The following FHOD3 variants were observed in gnomAD, a reference collection of about 807,000 sequenced individuals.
FHOD3 encodes FH1/FH2 domain-containing protein 3.
A neutral mutation model predicts 173.0 loss-of-function variants in FHOD3; 90 were observed. The observed-to-expected ratio is 0.52, with a 90% CI of 0.44 to 0.62. FHOD3 has a LOEUF of 0.62. Among genes scored for constraint, FHOD3 ranks in the 20% least tolerant of loss-of-function variants. The pLI, the probability that FHOD3 is intolerant of heterozygous loss-of-function variation, is 0.00. For synonymous variants in FHOD3, 828 were observed against 823.0 expected (o/e 1.01, Z -0.10); for missense variants, 1,945 against 2,034.7 (o/e 0.96, Z 0.85).
chr18:36,476,810 T>G (rs1362850722), intron 3 of FHOD3, among the ~76,000 whole-genome samples: 2 of 152,180 alleles, frequency 1.3e-5, no homozygotes, highest in African/African-American at 4.8e-5. Flanking sequence ...CAATTCAGTG[T>G]GGGGGCATGA....
chr18:36,310,066 G>T (rs2092215938), intron 1 of FHOD3, among the ~76,000 whole-genome samples: 1 of 152,204 alleles, frequency 6.6e-6, no homozygotes. Context: ...GTCTCCATCT[G>T]TCAGAGATAA....
intron 5 of FHOD3, among the ~76,000 whole-genome samples, chr18:36,573,776 A>G (rs1453500102): frequency 1.3e-5 from 2 of 152,230 alleles, no homozygotes; most frequent in South Asian, 2.1e-4. Flanking sequence ...TTCTAGGACC[A>G]TGACAGGTAT....
intron 3 of FHOD3, among the ~76,000 whole-genome samples, chr18:36,472,016 A>C (rs2053313916): frequency 1.3e-5 from 2 of 152,240 alleles, no homozygotes; most frequent in South Asian, 4.1e-4. Flanking sequence ...CTGAGAGGAT[A>C]AAATCCTCAA....
chr18:36,421,613 A>G (rs1184892853), intron 3 of FHOD3, among the ~76,000 whole-genome samples: 2 of 152,234 alleles, frequency 1.3e-5, no homozygotes, highest in Non-Finnish European at 2.9e-5. Flanking sequence ...ACTGTTGAAA[A>G]TGTATAAAGG....
chr18:36,394,085 G>A (rs892841577), intron 3 of FHOD3, among the ~76,000 whole-genome samples: 11 of 152,250 alleles, frequency 7.2e-5, no homozygotes, highest in Admixed American at 7.2e-4. Flanking sequence ...AACCTACTTG[G>A]GCAGATCAAG....
chr18:36,677,165 T>A (rs1244297070), intron 14 of FHOD3, among the ~76,000 whole-genome samples: 1 of 151,544 alleles, frequency 6.6e-6, no homozygotes, highest in Non-Finnish European at 1.5e-5. Flanking sequence ...TAGTTGTATT[T>A]TTTTTTTTTT....
chr18:36,688,566 C>T (rs1387518050), intron 16 of FHOD3, among the ~76,000 whole-genome samples: 1 of 152,226 alleles, frequency 6.6e-6, no homozygotes, highest in Non-Finnish European at 1.5e-5. Flanking sequence ...ATATTTCTCA[C>T]TAGTACCTGT....
intron 14 of FHOD3, among the ~76,000 whole-genome samples, chr18:36,678,102 ATGT>A (rs1234718045): frequency 2.0e-5 from 3 of 152,260 alleles, no homozygotes; most frequent in East Asian, 1.9e-4. Flanking sequence ...GTAAATAGTG[ATGT>A]TGTATTTCTT....
At chr18:36,537,364 A>G (rs2057038552) in intron 5 of FHOD3, among the ~76,000 whole-genome samples, 1 of 152,030 alleles carries the variant, frequency 6.6e-6, no homozygotes, top group South Asian at 2.1e-4. Flanking sequence ...TCACTCCTTA[A>G]TGGTTCTCCA....
At chr18:36,497,079 T>C (rs1403543001) in intron 3 of FHOD3, among the ~76,000 whole-genome samples, 1 of 152,244 alleles carries the variant, frequency 6.6e-6, no homozygotes, top group Non-Finnish European at 1.5e-5. Context: ...ATTCTCTTGC[T>C]TAAAACAATA....
chr18:36,393,427 C>T (rs2048397198), intron 3 of FHOD3, among the ~76,000 whole-genome samples: 1 of 152,114 alleles, frequency 6.6e-6, no homozygotes, highest in Admixed American at 6.5e-5. Flanking sequence ...GCATCCCTGG[C>T]TTTTACCCAC....
intron 17 of FHOD3, among the ~76,000 whole-genome samples, chr18:36,704,319 G>A (rs988999190): frequency 2.6e-5 from 4 of 152,194 alleles, no homozygotes; most frequent in African/African-American, 9.7e-5. Flanking sequence ...TGTGACCCAG[G>A]AAGACAGATC....
At chr18:36,649,209 T>A in intron 10 of FHOD3, 107 bp from the exon 11 acceptor site, 1 of 590,562 alleles carries the variant, frequency 1.7e-6, no homozygotes, top group East Asian at 3.2e-5. Flanking sequence ...ATTATTTCGT[T>A]GTTGTTGTTG....
At chr18:36,695,683 G>T (rs978065496) in intron 17 of FHOD3, among the ~76,000 whole-genome samples, 1 of 152,206 alleles carries the variant, frequency 6.6e-6, no homozygotes, top group Admixed American at 6.5e-5. Context: ...GACATCGCAA[G>T]TGTATGAAAA....
At chr18:36,406,089 G>GTTTTTTT (rs763484942) in intron 3 of FHOD3, among the ~76,000 whole-genome samples, 5 of 135,774 alleles carry the variant, frequency 3.7e-5, no homozygotes, top group East Asian at 2.1e-4. Context: ...TTTTGTTTTT[G>GTTTTTTT]TTTTTGTTTT....
chr18:36,533,707 A>G (rs113821095), intron 5 of FHOD3, among the ~76,000 whole-genome samples: 2 of 152,340 alleles, frequency 1.3e-5, no homozygotes, highest in Admixed American at 6.5e-5. Context: ...TGGGGAAACC[A>G]TGGCACAGCC....
intron 7 of FHOD3, among the ~76,000 whole-genome samples, chr18:36,598,561 T>C (rs1261931611): frequency 6.6e-6 from 1 of 152,138 alleles, no homozygotes; most frequent in African/African-American, 2.4e-5. Context: ...TTTTAAATTT[T>C]TTTTTTTTTT....
At chr18:36,610,437 C>T (rs1264103307) in intron 8 of FHOD3, among the ~76,000 whole-genome samples, 1 of 152,248 alleles carries the variant, frequency 6.6e-6, no homozygotes, top group Non-Finnish European at 1.5e-5. Flanking sequence ...AGCCTGGTTC[C>T]TGTAGACACT....
At chr18:36,506,509 T>C (rs2055307027) in intron 4 of FHOD3, among the ~76,000 whole-genome samples, 1 of 152,194 alleles carries the variant, frequency 6.6e-6, no homozygotes. Flanking sequence ...TCCTTGTAAA[T>C]ATAAAAATTG....
Sources: gnomAD v4.1 joint callset for allele counts (sites outside exome capture counted in the v4.1 genomes callset) on GRCh38, gnomAD v4.1.1 for gene constraint, MANE v1.5 for transcripts, NCBI Gene and HGNC (gene_info 2026-07-23, HGNC 2026-07-21) for gene names.